FBXO4: variants seen among roughly 807,000 people sequenced by gnomAD.
FBXO4 encodes the protein F-box protein 4, also known as F-box only protein 4.
FBXO4 carries 36 observed loss-of-function variants against 43.7 expected under a neutral mutation model. The ratio of observed to expected loss-of-function variants is 0.82; its 90% CI spans 0.63 to 1.09. The LOEUF (loss-of-function observed/expected upper bound fraction) is 1.09. Ranked by LOEUF, FBXO4 falls within the 50% of genes least tolerant of loss-of-function variation. FBXO4 has a pLI of 0.00. For synonymous variants in FBXO4, 180 were observed against 165.6 expected, an observed-to-expected ratio of 1.09 and a Z score of -0.67; for missense variants, 435 against 474.1, an observed-to-expected ratio of 0.92 and a Z score of 0.77.
chr5:41,960,955 G>T, the FBXO4 span, among the ~76,000 whole-genome samples: 10 of 151,836 alleles, frequency 6.6e-5, no homozygotes, highest in African/African-American at 2.2e-4. Flanking sequence ...GTGTTCTTTT[G>T]ATGGTGTTAT....
chr5:41,962,623 C>T, the FBXO4 span, among the ~76,000 whole-genome samples: 1 of 152,158 alleles, frequency 6.6e-6, no homozygotes, highest in South Asian at 2.1e-4. Flanking sequence ...TGTGTCAGTG[C>T]GGCAAGTCTC....
At chr5:41,944,168 G>A (rs1322070243), downstream of FBXO4, among the ~76,000 whole-genome samples, 1 of 152,184 alleles carries the variant, frequency 6.6e-6, no homozygotes, top group Admixed American at 6.5e-5. Flanking sequence ...ATGCTATTTT[G>A]TAACGATCTC....
chr5:41,987,244 A>C, the FBXO4 span, among the ~76,000 whole-genome samples: 2 of 152,184 alleles, frequency 1.3e-5, no homozygotes, highest in African/African-American at 4.8e-5. Flanking sequence ...GGAAATAATA[A>C]ATATTAATTT....
At chr5:42,011,278 G>A in the FBXO4 span, among the ~76,000 whole-genome samples, 10 of 152,306 alleles carry the variant, frequency 6.6e-5, no homozygotes, top group Non-Finnish European at 4.4e-5. Flanking sequence ...CCTCAAGAAT[G>A]GATTAATGCC....
the FBXO4 span, among the ~76,000 whole-genome samples, chr5:42,021,962 C>T: frequency 6.6e-6 from 1 of 152,100 alleles, no homozygotes; most frequent in African/African-American, 2.4e-5. Context: ...CAAGGACAAA[C>T]TAGATTAAGT....
chr5:42,017,051 A>T, the FBXO4 span, among the ~76,000 whole-genome samples: 1 of 152,042 alleles, frequency 6.6e-6, no homozygotes, highest in Non-Finnish European at 1.5e-5. Context: ...CAATTTCAAG[A>T]ATAAAAGAAA....
intron 5 of FBXO4, 129 bp from the exon 6 acceptor site, chr5:41,939,312 T>C (rs954029647): frequency 8.9e-6 from 7 of 782,614 alleles, no homozygotes; most frequent in Non-Finnish European, 1.4e-5. Flanking sequence ...AGTACTGTGA[T>C]TTTTTTCCCT....
chr5:41,984,769 C>T, the FBXO4 span, among the ~76,000 whole-genome samples: 7 of 152,278 alleles, frequency 4.6e-5, no homozygotes, highest in South Asian at 1.0e-3. Context: ...CCTCGGCCTC[C>T]CAAAGTGCTG....
chr5:41,993,616 AG>A, the FBXO4 span, among the ~76,000 whole-genome samples: 2 of 101,574 alleles, frequency 2.0e-5, no homozygotes, highest in Non-Finnish European at 3.8e-5. Context: ...CAGAACTAAT[AG>A]GATATATATA....
the FBXO4 span, among the ~76,000 whole-genome samples, chr5:42,027,607 T>G: frequency 1.3e-5 from 2 of 151,898 alleles, no homozygotes; most frequent in Non-Finnish European, 2.9e-5. Flanking sequence ...GCTCTTGCTT[T>G]TCTAGTTCTT....
At chr5:42,018,560 T>C in the FBXO4 span, among the ~76,000 whole-genome samples, 1 of 152,172 alleles carries the variant, frequency 6.6e-6, no homozygotes, top group African/African-American at 2.4e-5. Flanking sequence ...GTTTCAAGTT[T>C]CTGTTTTTTA....
chr5:41,970,711 A>G, the FBXO4 span, among the ~76,000 whole-genome samples: 1 of 152,024 alleles, frequency 6.6e-6, no homozygotes, highest in East Asian at 1.9e-4. Flanking sequence ...ACCAGATATT[A>G]TGTGACATTG....
the FBXO4 span, among the ~76,000 whole-genome samples, chr5:42,020,746 C>T: frequency 3.9e-5 from 6 of 152,110 alleles, no homozygotes; most frequent in Admixed American, 1.3e-4. Flanking sequence ...GGGCCAGAAC[C>T]GGCAGTATGG....
chr5:41,999,543 A>ATG, the FBXO4 span, among the ~76,000 whole-genome samples: 185 of 107,568 alleles, frequency 1.7e-3, 2 homozygotes, highest in South Asian at 7.7e-4. Context: ...ATACATATAT[A>ATG]TGTATATATA....
downstream of FBXO4, among the ~76,000 whole-genome samples, chr5:41,944,916 CAA>C (rs1752055636): frequency 6.6e-6 from 1 of 152,172 alleles, no homozygotes; most frequent in Admixed American, 6.5e-5. Flanking sequence ...CTCCAATTAG[CAA>C]AGTTTCTATC....
chr5:41,988,990 T>A, the FBXO4 span, among the ~76,000 whole-genome samples: 1 of 152,218 alleles, frequency 6.6e-6, no homozygotes, highest in Admixed American at 6.5e-5. Context: ...GGCGCATAAA[T>A]GCTTAGCAAA....
chr5:42,027,750 T>C, the FBXO4 span, among the ~76,000 whole-genome samples: 1 of 152,026 alleles, frequency 6.6e-6, no homozygotes, highest in South Asian at 2.1e-4. Context: ...GTTTCCATTA[T>C]CATTTGTTTC....
chr5:42,014,448 T>C, the FBXO4 span, among the ~76,000 whole-genome samples: 4 of 152,282 alleles, frequency 2.6e-5, no homozygotes, highest in East Asian at 3.9e-4. Flanking sequence ...GCATCCCTAA[T>C]TGAGAACAAT....
At chr5:41,983,947 A>G in the FBXO4 span, among the ~76,000 whole-genome samples, 2 of 152,028 alleles carry the variant, frequency 1.3e-5, no homozygotes, top group African/African-American at 4.8e-5. Flanking sequence ...ATTTGGCCAC[A>G]CTTTATTTCC....
Sources: allele counts gnomAD v4.1 joint callset (sites outside exome capture counted in the v4.1 genomes callset), GRCh38; gene constraint gnomAD v4.1.1; transcripts MANE v1.5; gene names NCBI Gene and HGNC (gene_info 2026-07-23, HGNC 2026-07-21).